CMSS1: variants seen among roughly 807,000 people sequenced by gnomAD.
CMSS1 encodes the protein protein CMSS1.
A neutral mutation model predicts 43.5 loss-of-function variants in CMSS1; 33 were observed. The ratio of observed to expected loss-of-function variants is 0.76; its 90% confidence interval spans 0.57 to 1.01. The LOEUF (loss-of-function observed/expected upper bound fraction) is 1.01, where lower values mean the gene tolerates loss of function less well. Among genes scored for constraint, CMSS1 ranks in the 50% least tolerant of loss-of-function variants. The probability of loss-of-function intolerance (pLI) is 0.00; values close to 1 mark genes in which losing one functional copy is unlikely to be tolerated. For synonymous variants in CMSS1, 115 were observed against 117.2 expected, an observed-to-expected ratio of 0.98 and a Z score of 0.12; for missense variants, 313 against 326.4, an observed-to-expected ratio of 0.96 and a Z score of 0.32.
At chr3:100,097,418 A>T (rs975157282) in intron 1 of CMSS1, among the ~76,000 whole-genome samples, 8 of 152,208 alleles carry the variant, frequency 5.3e-5, no homozygotes, top group South Asian at 2.1e-4. Context: ...TGACTTGAAC[A>T]TCCTCAGATT....
intron 1 of CMSS1, among the ~76,000 whole-genome samples, chr3:100,015,175 G>A (rs891281086): frequency 1.5e-4 from 22 of 151,494 alleles, no homozygotes; most frequent in Admixed American, 2.6e-4. Context: ...TGCATTTTTG[G>A]TACCTTCGTT....
intron 2 of CMSS1, among the ~76,000 whole-genome samples, chr3:100,156,973 C>G (rs2066981636): frequency 6.6e-6 from 1 of 152,078 alleles, no homozygotes; most frequent in Non-Finnish European, 1.5e-5. Context: ...CAGGGCTGGT[C>G]TCAAACTCCT....
intron 1 of CMSS1, among the ~76,000 whole-genome samples, chr3:99,857,731 T>C (rs537107663): frequency 1.3e-5 from 2 of 152,368 alleles, no homozygotes; most frequent in South Asian, 4.1e-4. Flanking sequence ...CTGTATTGTT[T>C]CTATTAGTTT....
chr3:100,130,475 A>G (rs1227992643), intron 1 of CMSS1, among the ~76,000 whole-genome samples: 1 of 152,178 alleles, frequency 6.6e-6, no homozygotes, highest in Admixed American at 6.5e-5. Flanking sequence ...GATTGTATAT[A>G]TCTGCTGGAT....
At chr3:99,896,527 A>G (rs1291287120) in intron 1 of CMSS1, among the ~76,000 whole-genome samples, 1 of 152,212 alleles carries the variant, frequency 6.6e-6, no homozygotes, top group Non-Finnish European at 1.5e-5. Flanking sequence ...AAAGGTTCCC[A>G]AAAGAGAACG....
chr3:99,818,546 A>C (rs1252643789), intron 1 of CMSS1, among the ~76,000 whole-genome samples: 1 of 152,224 alleles, frequency 6.6e-6, no homozygotes, highest in East Asian at 1.9e-4. Context: ...ACAGTAATGC[A>C]CTTTAGCATA....
At chr3:99,916,729 A>G (rs1455509948) in intron 1 of CMSS1, among the ~76,000 whole-genome samples, 1 of 152,142 alleles carries the variant, frequency 6.6e-6, no homozygotes, top group Non-Finnish European at 1.5e-5. Context: ...TTCATGGTCC[A>G]TGCTCCACGT....
At chr3:99,893,516 G>A (rs1706158026) in intron 1 of CMSS1, among the ~76,000 whole-genome samples, 1 of 152,084 alleles carries the variant, frequency 6.6e-6, no homozygotes, top group African/African-American at 2.4e-5. Flanking sequence ...AAATATTATT[G>A]TTCATTTTAT....
intron 1 of CMSS1, chr3:99,848,931 G>C (rs754004162): frequency 4.3e-5 from 70 of 1,614,020 alleles, no homozygotes; most frequent in Non-Finnish European, 4.7e-5. Flanking sequence ...TTTCAAGAGT[G>C]GCTGTGTTTT....
intron 8 of CMSS1, 89 bp from the exon 9 acceptor site, chr3:100,176,238 C>A: frequency 1.1e-6 from 1 of 918,982 alleles, no homozygotes; most frequent in Non-Finnish European, 1.7e-6. Flanking sequence ...ACATATGAGA[C>A]AAAAAGTAAC....
At chr3:100,132,736 G>A (rs916271163) in intron 1 of CMSS1, among the ~76,000 whole-genome samples, 19 of 147,546 alleles carry the variant, frequency 1.3e-4, no homozygotes, top group Admixed American at 1.0e-3. Flanking sequence ...GGCAAATGGT[G>A]TGAACCCAGG....
intron 1 of CMSS1, among the ~76,000 whole-genome samples, chr3:100,090,305 C>T (rs2066081968): frequency 6.6e-6 from 1 of 152,208 alleles, no homozygotes; most frequent in Non-Finnish European, 1.5e-5. Flanking sequence ...GTCAAGGGAA[C>T]ATTAGCTCAC....
chr3:100,077,321 A>G (rs2065865578), intron 1 of CMSS1, among the ~76,000 whole-genome samples: 1 of 152,246 alleles, frequency 6.6e-6, no homozygotes, highest in Non-Finnish European at 1.5e-5. Context: ...GGCAACAGCC[A>G]AAGTCATTTC....
At chr3:99,976,778 G>A (rs1231682332) in intron 1 of CMSS1, among the ~76,000 whole-genome samples, 2 of 152,078 alleles carry the variant, frequency 1.3e-5, no homozygotes, top group African/African-American at 4.8e-5. Context: ...TGGACCTGTG[G>A]TTTGATGTCT....
chr3:99,958,223 T>G (rs1708392709), intron 1 of CMSS1, among the ~76,000 whole-genome samples: 1 of 146,340 alleles, frequency 6.8e-6, no homozygotes, highest in East Asian at 2.0e-4. Context: ...ATTATTATTA[T>G]TATTATTATT....
chr3:99,948,228 T>C (rs967785577), intron 1 of CMSS1, among the ~76,000 whole-genome samples: 1 of 152,108 alleles, frequency 6.6e-6, no homozygotes. Context: ...AAAGTTTGTT[T>C]AGAAAAGAGA....
At chr3:99,906,437 T>C (rs1389953727) in intron 1 of CMSS1, among the ~76,000 whole-genome samples, 3 of 152,242 alleles carry the variant, frequency 2.0e-5, no homozygotes, top group Admixed American at 1.3e-4. Context: ...AGTCTTTTGT[T>C]GGTTATACAT....
chr3:100,000,471 CA>C (rs1408168502), intron 1 of CMSS1, among the ~76,000 whole-genome samples: 1 of 152,062 alleles, frequency 6.6e-6, no homozygotes. Context: ...TAGGCCAAAT[CA>C]AGGAAGGGGA....
intron 1 of CMSS1, among the ~76,000 whole-genome samples, chr3:99,943,254 G>A (rs1380833193): frequency 6.6e-6 from 1 of 152,200 alleles, no homozygotes; most frequent in Middle Eastern, 3.2e-3. Context: ...TGGCTTTTGT[G>A]TGTGGCCTTC....
Sources: gnomAD v4.1 joint callset for allele counts (sites outside exome capture counted in the v4.1 genomes callset) on GRCh38, gnomAD v4.1.1 for gene constraint, MANE v1.5 for transcripts, NCBI Gene and HGNC (gene_info 2026-07-23, HGNC 2026-07-21) for gene names.